Variants in NDRG3 observed in about 807,000 individuals in gnomAD.
The protein encoded by NDRG3 is NDRG family member 3.
A neutral mutation model predicts 57.2 loss-of-function variants in NDRG3; 23 were observed. The ratio of observed to expected loss-of-function variants is 0.40; its 90% CI spans 0.29 to 0.57. The LOEUF (loss-of-function observed/expected upper bound fraction) is 0.57. Ranked by LOEUF, NDRG3 falls within the 20% of genes least tolerant of loss-of-function variation. NDRG3 has a pLI of 0.42. For synonymous variants in NDRG3, 132 were observed against 162.6 expected (o/e 0.81, Z 1.43); for missense variants, 384 against 457.3 (o/e 0.84, Z 1.46).
chr20:36,661,444 A>C (rs1300043154), intron 12 of NDRG3, among the ~76,000 whole-genome samples: 1 of 152,242 alleles, frequency 6.6e-6, no homozygotes, highest in Non-Finnish European at 1.5e-5. Context: ...CTGTGCTTAG[A>C]ATCTGGATCC....
chr20:36,673,842 C>T (rs1353249607), intron 8 of NDRG3, among the ~76,000 whole-genome samples: 1 of 152,132 alleles, frequency 6.6e-6, no homozygotes, highest in Non-Finnish European at 1.5e-5. Flanking sequence ...CAGTAGCTCA[C>T]ACCTGTAATC....
chr20:36,716,610 T>C (rs1461691316), intron 2 of NDRG3, among the ~76,000 whole-genome samples: 1 of 152,070 alleles, frequency 6.6e-6, no homozygotes, highest in East Asian at 1.9e-4. Flanking sequence ...TTCTGTTCTC[T>C]CTACTAAACA....
intron 7 of NDRG3, among the ~76,000 whole-genome samples, chr20:36,681,728 T>C (rs1344834554): frequency 6.6e-6 from 1 of 151,956 alleles, no homozygotes; most frequent in African/African-American, 2.4e-5. Flanking sequence ...AGACAGAGTT[T>C]CGCTCTTGTT....
intron 1 of NDRG3, among the ~76,000 whole-genome samples, chr20:36,726,325 C>T (rs912358701): frequency 1.3e-5 from 2 of 152,118 alleles, no homozygotes; most frequent in South Asian, 4.1e-4. Context: ...TCAGCTAGGC[C>T]CAATGCAGGC....
chr20:36,717,779 T>C (rs1368755237), intron 2 of NDRG3, among the ~76,000 whole-genome samples: 2 of 152,232 alleles, frequency 1.3e-5, no homozygotes, highest in Non-Finnish European at 2.9e-5. Flanking sequence ...TTTTCCTCTA[T>C]ACCAGTGGTT....
intron 9 of NDRG3, 122 bp downstream of exon 9, chr20:36,671,215 ACTAC>A: frequency 1.3e-6 from 1 of 744,834 alleles, no homozygotes; most frequent in Admixed American, 2.4e-5. Context: ...TGCCTTTCAG[ACTAC>A]ATTGGAACTG....
In NDRG3 at chr20:36,653,144, A is replaced by G. The variant is rs776337501; in HGVS notation, c.*376T>C. 9.4e-5 allele frequency: 16 copies of G among 169,644 alleles called. No homozygotes were observed. Among genetic ancestry groups the G allele is most frequent in the Non-Finnish European group, 1.3e-4 (10 of 79,650 alleles). The allele number at this position is 169,644 out of a possible 1,614,324, so 10.5% of individuals were successfully genotyped here. A position where few individuals can be genotyped will look rare whatever the true frequency, so the allele number is the denominator to read the frequency against. On this transcript the variant is annotated 3_prime_UTR_variant, in exon 16 of 16. Coordinates refer to ENST00000349004, the MANE Select transcript of NDRG3 (RefSeq NM_032013.4). The surrounding 1 kb of genome is among the most constrained non-coding windows in gnomAD (Gnocchi z 4.2). ...TGTTTTTTGCAGAAGCACTACAAGA[A>G]AGCGTGTCTAAAACCACAGAACTAT...
chr20:36,655,978 A>G (rs34874881), intron 15 of NDRG3, among the ~76,000 whole-genome samples: 9,159 of 152,074 alleles, frequency 0.06, 385 homozygotes, highest in Non-Finnish European at 0.088. Context: ...TCCTAAAAAT[A>G]CAAAAATTAT....
rs1978348741 is a variant in NDRG3 at position 36,653,111 on chromosome 20, C to T, written c.*409G>A. The stretch of plus-strand genomic sequence containing the variant: ...ACACCATTGAGAATGCAAAATAAGT[C>T]CCTTTTTTGTTTTTTGCAGAAGCAC... On this transcript the variant is annotated 3_prime_UTR_variant, in exon 16 of 16. Coordinates refer to ENST00000349004, the MANE Select transcript of NDRG3 (RefSeq NM_032013.4). The surrounding 1 kb of genome is among the most constrained non-coding windows in gnomAD (Gnocchi z 4.2). The T allele has an allele frequency of 6.3e-6, 1 of 157,624 alleles. No homozygotes were observed. The highest frequency in any genetic ancestry group is 2.4e-5 in the African/African-American group (1 of 41,668). The allele number at this position is 157,624 out of a possible 1,614,324, so 9.8% of individuals were successfully genotyped here.
At chr20:36,667,485 A>G (rs1979734104) in intron 9 of NDRG3, among the ~76,000 whole-genome samples, 1 of 152,186 alleles carries the variant, frequency 6.6e-6, no homozygotes, top group Non-Finnish European at 1.5e-5. Context: ...GGTATAAAAT[A>G]CGAGAGAAAC....
At chr20:36,704,269 G>T (rs1454316996) in intron 3 of NDRG3, among the ~76,000 whole-genome samples, 3 of 152,016 alleles carry the variant, frequency 2.0e-5, no homozygotes, top group African/African-American at 7.2e-5. Context: ...TAGAGATGGG[G>T]TTTCACTATG....
At position 36,721,660 on chromosome 20, in the gene NDRG3, A is replaced by G; in HGVS notation, c.57+19T>C. 1 of 1,523,372 alleles carries G rather than the reference A, an allele frequency of 6.6e-7. No homozygotes were observed. The highest frequency in any genetic ancestry group is 9.0e-7 in the Non-Finnish European group (1 of 1,109,154). 94.4% of individuals were successfully genotyped at this position (1,523,372 alleles called of 1,614,324 possible). On this transcript the variant is annotated intron_variant, in intron 2 of 15. Transcript: ENST00000349004. ...GAAAAGGCTTGTCCATATTTTAGTG[A>G]AAACAGAAAAGTCTTTACCTTATCA...
chr20:36,678,060 T>G (rs1300206172), intron 8 of NDRG3, among the ~76,000 whole-genome samples: 1 of 152,206 alleles, frequency 6.6e-6, no homozygotes, highest in Non-Finnish European at 1.5e-5. Flanking sequence ...GTTTCCTATC[T>G]CCTTGAATGG....
At chr20:36,665,445 T>G in intron 10 of NDRG3, 144 bp from the exon 11 acceptor site, 1 of 764,794 alleles carries the variant, frequency 1.3e-6, no homozygotes, top group Non-Finnish European at 2.2e-6. Context: ...GCCCTATGAC[T>G]TGGTTCTTGA....
intron 3 of NDRG3, among the ~76,000 whole-genome samples, chr20:36,693,028 T>G (rs1285576372): frequency 1.6e-5 from 2 of 121,894 alleles, no homozygotes; most frequent in Admixed American, 1.0e-4. Context: ...TTAGCTATGA[T>G]CACAATACTG....
At chr20:36,710,232 G>A (rs1256466925) in intron 2 of NDRG3, among the ~76,000 whole-genome samples, 3 of 152,162 alleles carry the variant, frequency 2.0e-5, no homozygotes, top group Non-Finnish European at 2.9e-5. Flanking sequence ...GCTGAGGTGG[G>A]AGGATCACTT....
intron 3 of NDRG3, among the ~76,000 whole-genome samples, chr20:36,695,040 G>T (rs2148140126): frequency 6.6e-6 from 1 of 152,302 alleles, no homozygotes; most frequent in Middle Eastern, 3.4e-3. Flanking sequence ...AAATTGTGAA[G>T]ATTTCATGGA....
intron 3 of NDRG3, among the ~76,000 whole-genome samples, chr20:36,696,250 C>A (rs1308067313): frequency 6.6e-6 from 1 of 151,996 alleles, no homozygotes; most frequent in East Asian, 1.9e-4. Flanking sequence ...GTGTGCATCC[C>A]CACACCTGGC....
At chr20:36,721,648 C>T in intron 2 of NDRG3, 31 bp downstream of exon 2, 1 of 1,352,112 alleles carries the variant, frequency 7.4e-7, no homozygotes, top group Non-Finnish European at 1.0e-6. Flanking sequence ...AAGGCTTGTC[C>T]ATATTTTAGT....
Sources: allele counts gnomAD v4.1 joint callset (sites outside exome capture counted in the v4.1 genomes callset), GRCh38; gene constraint gnomAD v4.1.1; non-coding constraint Gnocchi (gnomAD v3.1); transcripts MANE v1.5; gene names NCBI Gene and HGNC (gene_info 2026-07-23, HGNC 2026-07-21).